TTLL11: variants seen among roughly 807,000 people sequenced by gnomAD.
TTLL11 encodes the protein tubulin tyrosine ligase like 11.
In TTLL11, 42 loss-of-function variants were observed where a neutral mutation model predicts 51.7. The observed-to-expected ratio is 0.81, with a 90% CI of 0.64 to 1.05. The LOEUF is 1.05. Among genes scored for constraint, TTLL11 ranks in the 50% least tolerant of loss-of-function variants. The pLI is 0.00. For synonymous variants in TTLL11, 381 were observed against 383.5 expected, an observed-to-expected ratio of 0.99 and a Z score of 0.08; for missense variants, 799 against 940.4, an observed-to-expected ratio of 0.85 and a Z score of 1.97.
intron 1 of TTLL11, 116 bp from the exon 2 acceptor site, chr9:122,039,484 T>A: frequency 1.4e-6 from 1 of 698,112 alleles, no homozygotes; most frequent in South Asian, 1.8e-5. Context: ...TTAATCCTTA[T>A]AATACGCATA....
chr9:122,081,117 A>C (rs1845994525), intron 1 of TTLL11, among the ~76,000 whole-genome samples: 1 of 152,240 alleles, frequency 6.6e-6, no homozygotes, highest in South Asian at 2.1e-4. Context: ...TTTTTAAATA[A>C]AACCAACGTC....
rs1159844900 is a variant in TTLL11 at position 121,820,858 on chromosome 9, C to T, written c.*1729G>A. ...AGTCTGCTGTCACTCACTGAACACC[C>T]CAGAGTGGGCTCTGCAGGGCTCAGT... is the stretch of plus-strand genomic sequence containing the variant. On this transcript the variant is annotated 3_prime_UTR_variant, in exon 9 of 9. Transcript: ENST00000321582. Among the ~76,000 whole-genome samples, 2 of 151,766 alleles carry T rather than the reference C, an allele frequency of 1.3e-5. No individual in the cohort carries two copies. Among genetic ancestry groups the T allele is most frequent in the Non-Finnish European group, 2.9e-5 (2 of 67,954 alleles).
intron 8 of TTLL11, among the ~76,000 whole-genome samples, chr9:121,844,350 A>G (rs531256317): frequency 1.3e-5 from 2 of 152,232 alleles, no homozygotes; most frequent in Non-Finnish European, 2.9e-5. Flanking sequence ...TCTGGCACCT[A>G]TGACTACAGC....
At chr9:121,971,035 C>T (rs1437363818) in intron 6 of TTLL11, among the ~76,000 whole-genome samples, 72 of 144,102 alleles carry the variant, frequency 5.0e-4, no homozygotes, top group Admixed American at 1.7e-3. Context: ...GTCAGCCCCC[C>T]GCCCGGTCAG....
At chr9:122,048,242 C>T (rs1335261421) in intron 1 of TTLL11, among the ~76,000 whole-genome samples, 4 of 152,106 alleles carry the variant, frequency 2.6e-5, no homozygotes, top group Non-Finnish European at 4.4e-5. Context: ...TAATAGCTCA[C>T]TGCAGCTTCA....
At chr9:121,826,543 ATATATATGTGTGTG>A (rs1210185844) in intron 8 of TTLL11, among the ~76,000 whole-genome samples, 16 of 58,746 alleles carry the variant, frequency 2.7e-4, no homozygotes, top group African/African-American at 1.2e-3. Flanking sequence ...GTGTGTATAT[ATATATATGTGTGTG>A]TATATATATA....
At position 121,928,482 on chromosome 9, in the gene TTLL11, C is replaced by T. The variant is rs551453801; in HGVS notation, c.1481+45527G>A. On this transcript the variant is annotated intron_variant, in intron 6 of 8. Coordinates refer to ENST00000321582, the MANE Select transcript of TTLL11 (RefSeq NM_001139442.2). ...TTTGAGATAGAATCTCACTCTTTTG[C>T]TAGGCTGCAGTGCAGTGGCGTGTTC... 1.1e-3 allele frequency among the ~76,000 whole-genome samples: 156 copies of T among 145,296 alleles called. 1 individual carries two copies. Among genetic ancestry groups the T allele is most frequent in the African/African-American group, 3.9e-3 (151 of 38,754 alleles).
At chr9:121,965,347 T>C (rs1208099200) in intron 6 of TTLL11, among the ~76,000 whole-genome samples, 1 of 152,174 alleles carries the variant, frequency 6.6e-6, no homozygotes, top group African/African-American at 2.4e-5. Context: ...CTTACAATCA[T>C]GGCGGAAGGC....
At chr9:122,059,085 T>A (rs1215461009) in intron 1 of TTLL11, among the ~76,000 whole-genome samples, 1 of 152,074 alleles carries the variant, frequency 6.6e-6, no homozygotes, top group East Asian at 1.9e-4. Flanking sequence ...TCGGTGCACC[T>A]TGAAGAAACC....
chr9:121,841,989 A>G (rs906876533), intron 8 of TTLL11, among the ~76,000 whole-genome samples: 7 of 152,178 alleles, frequency 4.6e-5, no homozygotes, highest in Admixed American at 4.6e-4. Context: ...AGCGAGATGC[A>G]GAGCTCCCCG....
At chr9:121,911,298 G>A (rs1033857955) in intron 6 of TTLL11, among the ~76,000 whole-genome samples, 3 of 152,254 alleles carry the variant, frequency 2.0e-5, no homozygotes, top group East Asian at 1.9e-4. Context: ...TCTGGAGGCT[G>A]AGGCTGGAGA....
intron 3 of TTLL11, among the ~76,000 whole-genome samples, chr9:121,993,958 C>T (rs975199743): frequency 6.6e-6 from 1 of 152,172 alleles, no homozygotes; most frequent in Non-Finnish European, 1.5e-5. Context: ...AAAAACAAGC[C>T]TCTGGTAGAC....
chr9:122,039,246 T>A, intron 2 of TTLL11, 26 bp downstream of exon 2: 1 of 1,596,026 alleles, frequency 6.3e-7, no homozygotes, highest in South Asian at 1.1e-5. Flanking sequence ...GAAACATGTT[T>A]AAATGTCAAC....
intron 3 of TTLL11, among the ~76,000 whole-genome samples, chr9:122,012,650 G>GA (rs1843835203): frequency 7.0e-6 from 1 of 142,722 alleles, no homozygotes; most frequent in Admixed American, 7.0e-5. Flanking sequence ...CTGGCAGGAG[G>GA]AAAAAATACA....
At chr9:122,083,812 A>G (rs900873062) in intron 1 of TTLL11, among the ~76,000 whole-genome samples, 7 of 152,176 alleles carry the variant, frequency 4.6e-5, no homozygotes, top group Admixed American at 2.6e-4. Context: ...TCTATCTCGA[A>G]AAAAAAGAAA....
At chr9:121,906,951 T>C (rs1202719274) in intron 6 of TTLL11, among the ~76,000 whole-genome samples, 1 of 152,000 alleles carries the variant, frequency 6.6e-6, no homozygotes, top group Non-Finnish European at 1.5e-5. Flanking sequence ...CTCATGTCTG[T>C]ATTTCCAGAT....
chr9:121,991,861 C>T (rs989413142), intron 3 of TTLL11, among the ~76,000 whole-genome samples: 14 of 152,110 alleles, frequency 9.2e-5, no homozygotes, highest in African/African-American at 3.4e-4. Context: ...AAGGGGGAAA[C>T]GGAGGCTCAG....
At chr9:121,932,159 T>C (rs1245604796) in intron 6 of TTLL11, among the ~76,000 whole-genome samples, 1 of 152,106 alleles carries the variant, frequency 6.6e-6, no homozygotes, top group African/African-American at 2.4e-5. Context: ...TTCTTGAGAG[T>C]TGACCTTTAA....
At chr9:121,978,677 G>T (rs73662553) in intron 4 of TTLL11, among the ~76,000 whole-genome samples, 11,124 of 152,056 alleles carry the variant, frequency 0.073, 860 homozygotes, top group African/African-American at 0.2. Flanking sequence ...GGGCTCCCTG[G>T]GGGGTTTAAA....
Sources: allele counts gnomAD v4.1 joint callset (sites outside exome capture counted in the v4.1 genomes callset), GRCh38; gene constraint gnomAD v4.1.1; transcripts MANE v1.5; gene names NCBI Gene and HGNC (gene_info 2026-07-23, HGNC 2026-07-21).